DOCK3: variants seen among roughly 807,000 people sequenced by gnomAD.
The protein encoded by DOCK3 is dedicator of cytokinesis protein 3.
In DOCK3, 60 loss-of-function variants were observed where a neutral mutation model predicts 265.6. The observed-to-expected ratio is 0.23, with a 90% CI of 0.18 to 0.28. The LOEUF (loss-of-function observed/expected upper bound fraction) is 0.28. Ranked by LOEUF, DOCK3 falls within the 10% of genes least tolerant of loss-of-function variation. The pLI, the probability that DOCK3 is intolerant of heterozygous loss-of-function variation, is 1.00. For missense variants in DOCK3, 1,981 were observed against 2,594.3 expected (o/e 0.76, Z 5.14); for synonymous variants, 881 against 938.0 (o/e 0.94, Z 1.11).
At chr3:51,011,408 G>C (rs1262671454) in intron 5 of DOCK3, among the ~76,000 whole-genome samples, 5 of 152,088 alleles carry the variant, frequency 3.3e-5, no homozygotes, top group African/African-American at 1.2e-4. Context: ...TCTTCCAGTT[G>C]TTCAAGTTGG....
intron 5 of DOCK3, among the ~76,000 whole-genome samples, chr3:51,021,849 G>C (rs1451547272): frequency 6.6e-6 from 1 of 151,994 alleles, no homozygotes; most frequent in Middle Eastern, 3.2e-3. Flanking sequence ...TTTTAGTAGA[G>C]AAGGGGTTTC....
chr3:51,173,999 C>G (rs536993479), intron 12 of DOCK3, among the ~76,000 whole-genome samples: 2 of 152,244 alleles, frequency 1.3e-5, no homozygotes, highest in African/African-American at 4.8e-5. Context: ...TTTTGTGTCT[C>G]TAACTGGCTA....
chr3:51,261,909 C>T (rs546259251), intron 23 of DOCK3, among the ~76,000 whole-genome samples: 1 of 152,294 alleles, frequency 6.6e-6, no homozygotes, highest in African/African-American at 2.4e-5. Context: ...AGACAGCAGG[C>T]CCAGTCAGGG....
chr3:51,007,200 C>T (rs1404199120), intron 5 of DOCK3, among the ~76,000 whole-genome samples: 2 of 152,226 alleles, frequency 1.3e-5, no homozygotes, highest in African/African-American at 4.8e-5. Context: ...AATCACCACA[C>T]TGACTTCCAC....
At chr3:51,008,213 G>A (rs2078768350) in intron 5 of DOCK3, among the ~76,000 whole-genome samples, 1 of 152,142 alleles carries the variant, frequency 6.6e-6, no homozygotes, top group Admixed American at 6.5e-5. Context: ...ATTACCTTGG[G>A]CAGTATGGCC....
At chr3:51,171,483 A>G (rs2086677643) in intron 12 of DOCK3, among the ~76,000 whole-genome samples, 1 of 152,070 alleles carries the variant, frequency 6.6e-6, no homozygotes, top group Non-Finnish European at 1.5e-5. Context: ...TTGGGAGGCC[A>G]AGGCGGGCAG....
chr3:51,331,780 G>A, intron 33 of DOCK3, among the ~76,000 whole-genome samples: 1 of 152,034 alleles, frequency 6.6e-6, no homozygotes, highest in South Asian at 2.1e-4. Context: ...CAACATAGCA[G>A]GACCCCATCT....
At chr3:51,317,371 C>T (rs1448078994) in intron 32 of DOCK3, among the ~76,000 whole-genome samples, 6 of 150,590 alleles carry the variant, frequency 4.0e-5, no homozygotes, top group Admixed American at 4.0e-4. Context: ...GAGGAGTAAG[C>T]TTTAGTGAGC....
intron 6 of DOCK3, among the ~76,000 whole-genome samples, chr3:51,073,134 C>G (rs955491153): frequency 2.0e-5 from 3 of 152,018 alleles, no homozygotes; most frequent in African/African-American, 7.2e-5. Flanking sequence ...GAAATGTTGT[C>G]TCTTCATTTT....
chr3:50,927,652 C>T (rs886316574), intron 4 of DOCK3, among the ~76,000 whole-genome samples: 8 of 152,132 alleles, frequency 5.3e-5, no homozygotes, highest in South Asian at 2.1e-4. Flanking sequence ...ACCAAGTTGT[C>T]GTTTTTTCAG....
intron 5 of DOCK3, among the ~76,000 whole-genome samples, chr3:50,935,708 T>C (rs2108187234): frequency 6.6e-6 from 1 of 152,150 alleles, no homozygotes; most frequent in African/African-American, 2.4e-5. Context: ...AAACTCAAAC[T>C]GAGGAGATAG....
chr3:51,089,247 T>C lies in DOCK3; in HGVS notation c.554T>C (p.Leu185Ser). The change falls in exon 8 of 53, where the codon TTA becomes TCA. Residue 185 changes from leucine (L) to serine (S), a missense_variant. Physicochemically the swap from Leu to Ser is moderately radical, Grantham distance 145. Around this residue, in one of 4 missense-constraint regions of DOCK3, gnomAD observed 456 missense variants for 539.0 expected, o/e 0.85. Transcript: ENST00000266037. ...TTTCTTTCCTTCTTTCCATAGCATT[T>C]ATCTAGCCGGCAGAGTGTACAGCAA... ...ISVSDLYKMHLSSRQSVQQST... is the reference protein window; with the variant it reads ...ISVSDLYKMHSSSRQSVQQST... The C allele has an allele frequency of 6.2e-7, 1 of 1,608,448 alleles. No individual in the cohort carries two copies. The highest frequency in any genetic ancestry group is 1.1e-5 in the South Asian group (1 of 89,582).
At chr3:50,949,521 A>G (rs2076534857) in intron 5 of DOCK3, among the ~76,000 whole-genome samples, 1 of 152,108 alleles carries the variant, frequency 6.6e-6, no homozygotes, top group Non-Finnish European at 1.5e-5. Flanking sequence ...CCATTCTTCA[A>G]TCCTTTTGTC....
chr3:51,201,890 A>C (rs2088801647), intron 12 of DOCK3, among the ~76,000 whole-genome samples: 1 of 152,332 alleles, frequency 6.6e-6, no homozygotes, highest in Middle Eastern at 3.4e-3. Context: ...GCTCAACTAC[A>C]TGGAGACTGA....
chr3:51,201,358 AGG>A (rs1274949101), intron 12 of DOCK3, among the ~76,000 whole-genome samples: 1 of 152,080 alleles, frequency 6.6e-6, no homozygotes, highest in African/African-American at 2.4e-5. Flanking sequence ...AAACAAAAAA[AGG>A]AAGGGGTTGC....
intron 1 of DOCK3, among the ~76,000 whole-genome samples, chr3:50,718,361 T>C (rs969275793): frequency 4.6e-5 from 7 of 152,232 alleles, no homozygotes; most frequent in African/African-American, 1.7e-4. Flanking sequence ...AAGGACATCT[T>C]GGTTGCATGG....
intron 1 of DOCK3, among the ~76,000 whole-genome samples, chr3:50,713,613 A>G (rs1052602149): frequency 6.6e-6 from 1 of 151,856 alleles, no homozygotes; most frequent in Non-Finnish European, 1.5e-5. Context: ...GGCACAAGAA[A>G]AGTTACTGTC....
intron 1 of DOCK3, among the ~76,000 whole-genome samples, chr3:50,749,799 A>C (rs1326029715): frequency 6.6e-6 from 1 of 152,124 alleles, no homozygotes; most frequent in Non-Finnish European, 1.5e-5. Context: ...TACAAACATC[A>C]TTTCAGATGC....
intron 40 of DOCK3, among the ~76,000 whole-genome samples, chr3:51,351,992 G>T (rs2086023771): frequency 6.6e-6 from 1 of 152,096 alleles, no homozygotes; most frequent in Non-Finnish European, 1.5e-5. Flanking sequence ...AGAGGACTGG[G>T]CCTCCTTCAT....
Sources: gnomAD v4.1 joint callset for allele counts (sites outside exome capture counted in the v4.1 genomes callset) on GRCh38, gnomAD v4.1.1 for gene constraint, gnomAD v4.1.1 regional missense constraint, MANE v1.5 for transcripts, NCBI Gene and HGNC (gene_info 2026-07-23, HGNC 2026-07-21) for gene names.